The following MTMR7 variants were observed in gnomAD, a reference collection of about 807,000 sequenced individuals.
MTMR7 encodes phosphatidylinositol-3-phosphate phosphatase MTMR7.
Under a neutral mutation model 81.2 loss-of-function variants are expected in MTMR7, and 76 were observed. The observed-to-expected ratio is 0.94, with a 90% CI of 0.78 to 1.13. MTMR7 has a LOEUF of 1.13. Among genes scored for constraint, MTMR7 ranks in the 50% most tolerant of loss-of-function variants. MTMR7 has a pLI of 0.00. For synonymous variants in MTMR7, 372 were observed against 289.8 expected (o/e 1.28, Z -2.88); for missense variants, 1,044 against 820.0 (o/e 1.27, Z -3.34).
At chr8:17,372,652 TA>T (rs1275075562) in intron 2 of MTMR7, among the ~76,000 whole-genome samples, 3 of 152,054 alleles carry the variant, frequency 2.0e-5, no homozygotes, top group African/African-American at 4.8e-5. Context: ...ATGGTTTCAT[TA>T]ATAAGTAGGA....
chr8:17,326,350 G>C (rs998805819), intron 7 of MTMR7: 5 of 152,136 alleles, frequency 3.3e-5, no homozygotes, highest in Non-Finnish European at 7.4e-5. Context: ...AGTAAATACA[G>C]CTTAAAAAAT....
chr8:17,319,204 A>G (rs1244828929), intron 7 of MTMR7, among the ~76,000 whole-genome samples: 1 of 152,210 alleles, frequency 6.6e-6, no homozygotes, highest in African/African-American at 2.4e-5. Flanking sequence ...CATGCTCAAC[A>G]TGGTAACCTG....
chr8:17,407,152 C>G (rs1381231301), intron 1 of MTMR7, among the ~76,000 whole-genome samples: 1 of 151,760 alleles, frequency 6.6e-6, no homozygotes, highest in Non-Finnish European at 1.5e-5. Context: ...AATACACACA[C>G]TATACACACA....
chr8:17,351,797 T>C (rs1490372315), intron 4 of MTMR7, among the ~76,000 whole-genome samples: 1 of 152,228 alleles, frequency 6.6e-6, no homozygotes, highest in African/African-American at 2.4e-5. Context: ...GAAAAGCAGA[T>C]TTAGGGTGTC....
At chr8:17,374,639 A>G (rs1323541435) in intron 1 of MTMR7, among the ~76,000 whole-genome samples, 2 of 151,710 alleles carry the variant, frequency 1.3e-5, no homozygotes. Context: ...AAATAAATAA[A>G]TAAAATAAAA....
At chr8:17,359,928 C>T (rs1292577143) in intron 4 of MTMR7, among the ~76,000 whole-genome samples, 2 of 151,944 alleles carry the variant, frequency 1.3e-5, no homozygotes, top group Non-Finnish European at 2.9e-5. Flanking sequence ...GGTGTTTTGA[C>T]ATAAAAATTA....
In MTMR7 at chr8:17,305,793, A is replaced by G. The variant is rs765152454; in HGVS notation, c.1316T>C (p.Phe439Ser). Residue 439 changes from phenylalanine to serine, a missense_variant, in exon 11 of 14, where the codon TTC (phenylalanine) becomes TCC (serine). By Grantham distance (155) the Phe-to-Ser change is radical (BLOSUM62 -2). Transcript: ENST00000180173. ...HHIYSCQFGN[F>S]LCNSQKERRE... ...TCTCTCCTTTTGGCTGTTACATAGG[A>G]AGTTTCCAAACTGGCAGGAATAAAT... 1.2e-6 allele frequency: 2 copies of G among 1,613,550 alleles called. No individual in the cohort carries two copies. The highest frequency in any genetic ancestry group is 1.7e-6 in the Non-Finnish European group (2 of 1,179,630).
At chr8:17,394,187 CT>C (rs1821183562) in intron 1 of MTMR7, among the ~76,000 whole-genome samples, 1 of 152,174 alleles carries the variant, frequency 6.6e-6, no homozygotes, top group African/African-American at 2.4e-5. Context: ...AATTTCACTC[CT>C]GAGTATATAC....
chr8:17,304,495 T>C lies in MTMR7; in HGVS notation c.1377A>G (p.Leu459=), dbSNP rs145159949. The stretch of plus-strand genomic sequence containing the variant: ...CCCGATTCTTCCACAGGTGAGCCCA[T>C]AATGAGTATGTTCTTTCTTGAATCC... ...ELKIQERTYS[L]WAHLWKNRAD... Residue 459 remains leucine (L), a synonymous_variant, in exon 12 of 14, where the codon TTA becomes TTG. Transcript: ENST00000180173. 6.6e-5 allele frequency: 106 copies of C among 1,613,900 alleles called. 1 individual carries two copies. The African/African-American group carries it at 1.0e-3, about 16-fold the overall frequency.
chr8:17,340,763 TAGAA>T (rs1453365518), intron 6 of MTMR7, among the ~76,000 whole-genome samples: 2 of 152,204 alleles, frequency 1.3e-5, no homozygotes, highest in South Asian at 2.1e-4. Context: ...AATCAACAAG[TAGAA>T]AGCCCTCTAC....
chr8:17,354,324 T>C (rs1208475679), intron 4 of MTMR7, among the ~76,000 whole-genome samples: 1 of 152,240 alleles, frequency 6.6e-6, no homozygotes, highest in East Asian at 1.9e-4. Context: ...AAATGAGCTT[T>C]AATAAACTGA....
At position 17,366,072 on chromosome 8, in the gene MTMR7, T is replaced by C. The variant is rs550905536; in HGVS notation, c.311-4798A>G. 2.6e-5 allele frequency among the ~76,000 whole-genome samples: 4 copies of C among 152,278 alleles called. No individual in the cohort carries two copies. The East Asian group carries it at 5.8e-4, about 22-fold the overall frequency. ...TCTCCTCGGCTCCTTCACTCTCAGA[T>C]AACCCCACTTCCTACTTCCCATAGA... On this transcript the variant is annotated intron_variant, in intron 3 of 13. Transcript: ENST00000180173.
At chr8:17,373,784 C>G (rs1820492099) in intron 1 of MTMR7, among the ~76,000 whole-genome samples, 1 of 152,144 alleles carries the variant, frequency 6.6e-6, no homozygotes, top group Non-Finnish European at 1.5e-5. Context: ...TCCTTACATT[C>G]ATTTATAACA....
rs538157762 is a variant in MTMR7, at chr8:17,394,367, A to G, written c.24+18902T>C. Reference sequence around the variant, plus strand: ...CAATGGAATATTATTCAGCAATAAAAAGTAATGAAGTACTGATATATGCTA... The same window carrying G: ...CAATGGAATATTATTCAGCAATAAAGAGTAATGAAGTACTGATATATGCTA... On this transcript the variant is annotated intron_variant, in intron 1 of 13. Coordinates refer to ENST00000180173, the MANE Select transcript of MTMR7 (RefSeq NM_004686.5). 7.9e-5 allele frequency among the ~76,000 whole-genome samples: 12 copies of G among 152,362 alleles called. 1 individual carries two copies. The South Asian group carries it at 2.5e-3, about 32-fold the overall frequency.
At chr8:17,379,999 G>C (rs942664007) in intron 1 of MTMR7, among the ~76,000 whole-genome samples, 3 of 152,148 alleles carry the variant, frequency 2.0e-5, no homozygotes, top group Non-Finnish European at 2.9e-5. Flanking sequence ...GGAAGAGCTA[G>C]GTAATTAAGG....
intron 1 of MTMR7, among the ~76,000 whole-genome samples, chr8:17,382,531 T>C (rs1011486275): frequency 2.6e-5 from 4 of 152,220 alleles, no homozygotes; most frequent in Admixed American, 6.5e-5. Flanking sequence ...AAGACTTTCA[T>C]TTGACTTTAT....
At chr8:17,356,863 G>A (rs192833860) in intron 4 of MTMR7, among the ~76,000 whole-genome samples, 70 of 152,232 alleles carry the variant, frequency 4.6e-4, no homozygotes, top group Non-Finnish European at 6.5e-4. Flanking sequence ...AGTCTGTGCC[G>A]TAATGAGAAC....
intron 3 of MTMR7, among the ~76,000 whole-genome samples, chr8:17,366,151 T>C (rs375219832): frequency 9.2e-5 from 14 of 152,242 alleles, no homozygotes; most frequent in African/African-American, 3.4e-4. Flanking sequence ...GGTGAATAAA[T>C]GGGGCTGCAT....
chr8:17,342,888 C>G (rs970964471), intron 5 of MTMR7, among the ~76,000 whole-genome samples: 2 of 151,952 alleles, frequency 1.3e-5, no homozygotes, highest in African/African-American at 4.8e-5. Flanking sequence ...GCACGGCAGA[C>G]AGAATGGCAA....
Sources: allele counts gnomAD v4.1 joint callset (sites outside exome capture counted in the v4.1 genomes callset), GRCh38; gene constraint gnomAD v4.1.1; transcripts MANE v1.5; gene names NCBI Gene and HGNC (gene_info 2026-07-23, HGNC 2026-07-21).